FGF12: variants seen among roughly 807,000 people sequenced by gnomAD.
The protein encoded by FGF12 is fibroblast growth factor 12B.
FGF12 carries 14 observed loss-of-function variants against 23.6 expected under a neutral mutation model. The ratio of observed to expected loss-of-function variants is 0.59; its 90% CI spans 0.39 to 0.93. The LOEUF (loss-of-function observed/expected upper bound fraction) is 0.93, where lower values mean the gene tolerates loss of function less well. Among genes scored for constraint, FGF12 ranks in the 40% least tolerant of loss-of-function variants. The probability of loss-of-function intolerance (pLI) is 0.00; values close to 1 mark genes in which losing one functional copy is unlikely to be tolerated. For missense variants in FGF12, 175 were observed against 217.8 expected (o/e 0.80, Z 1.24); for synonymous variants, 62 against 77.3 (o/e 0.80, Z 1.04).
At chr3:192,724,612 A>G (rs528311091) in intron 2 of FGF12, among the ~76,000 whole-genome samples, 4 of 152,348 alleles carry the variant, frequency 2.6e-5, no homozygotes, top group South Asian at 4.1e-4. Context: ...TGTTAAGTAC[A>G]TGGTGCACAA....
chr3:192,434,374 T>A (rs577904193), intron 2 of FGF12, among the ~76,000 whole-genome samples: 1 of 152,304 alleles, frequency 6.6e-6, no homozygotes, highest in African/African-American at 2.4e-5. Flanking sequence ...AAAGGTTACA[T>A]AACTTCCCAG....
intron 2 of FGF12, among the ~76,000 whole-genome samples, chr3:192,525,999 C>A (rs888464360): frequency 2.6e-5 from 4 of 152,192 alleles, no homozygotes; most frequent in Admixed American, 1.3e-4. Context: ...GTCTTGATTT[C>A]CTGACTTCGT....
intron 2 of FGF12, among the ~76,000 whole-genome samples, chr3:192,402,097 C>G (rs1009521396): frequency 1.3e-5 from 2 of 152,250 alleles, no homozygotes; most frequent in African/African-American, 2.4e-5. Flanking sequence ...CTTAATCATT[C>G]TGCTATGCTA....
chr3:192,547,857 CT>C (rs1725534513), intron 2 of FGF12, among the ~76,000 whole-genome samples: 1 of 152,172 alleles, frequency 6.6e-6, no homozygotes, highest in South Asian at 2.1e-4. Flanking sequence ...TCTATAGCTT[CT>C]GTTATCATTT....
intron 2 of FGF12, among the ~76,000 whole-genome samples, chr3:192,558,053 A>G (rs1282309517): frequency 5.3e-5 from 8 of 151,890 alleles, no homozygotes; most frequent in Admixed American, 2.6e-4. Flanking sequence ...TAACTGAAAT[A>G]GTACTTGAAG....
Position 192,504,270 on chromosome 3 carries a change from T to C in FGF12, c.14-143732A>G, listed in dbSNP as rs183734256. ...TTAGTACCTGCGTGATGAAATAACC[T>C]GTACCCCAAATCCCTACAACACACA... On this transcript the variant is annotated intron_variant, in intron 2 of 5. Transcript: ENST00000445105. Among the ~76,000 whole-genome samples the C allele has an allele frequency of 4.2e-3, 638 of 152,230 alleles. 1 individual carries two copies. The highest frequency in any genetic ancestry group is 6.2e-3 in the Non-Finnish European group (425 of 68,012).
At chr3:192,144,492 T>C (rs151128024) in intron 5 of FGF12, among the ~76,000 whole-genome samples, 131 of 152,154 alleles carry the variant, frequency 8.6e-4, no homozygotes, top group African/African-American at 2.6e-3. Flanking sequence ...TTCGGGTAGG[T>C]AAAAAAATAT....
chr3:192,708,248 C>T (rs1408399106), intron 2 of FGF12, among the ~76,000 whole-genome samples: 1 of 152,050 alleles, frequency 6.6e-6, no homozygotes, highest in Non-Finnish European at 1.5e-5. Flanking sequence ...TGTGAACTGC[C>T]TTGTCCAGCC....
At chr3:192,593,291 G>A (rs989831876) in intron 2 of FGF12, among the ~76,000 whole-genome samples, 12 of 151,604 alleles carry the variant, frequency 7.9e-5, no homozygotes, top group Non-Finnish European at 1.6e-4. Context: ...CTGCCTTCAG[G>A]TCTGGTCAAC....
intron 2 of FGF12, among the ~76,000 whole-genome samples, chr3:192,723,627 C>G (rs1051217465): frequency 6.6e-6 from 1 of 152,114 alleles, no homozygotes; most frequent in African/African-American, 2.4e-5. Context: ...GTGGTTAACT[C>G]TGGCCATCCA....
Position 192,394,900 on chromosome 3 carries a change from C to T in FGF12, c.14-34362G>A, listed in dbSNP as rs78854477. ...GACAGAAAGAACCTTTTCCATTAAA[C>T]CCAATCGATACTGTATTTCCCCATC... On this transcript the variant is annotated intron_variant, in intron 2 of 5. Coordinates refer to ENST00000445105, the MANE Select transcript of FGF12 (RefSeq NM_004113.6). Among the ~76,000 whole-genome samples the T allele has an allele frequency of 6.6e-3, 1,004 of 152,254 alleles. 9 individuals carry two copies. Among genetic ancestry groups the T allele is most frequent in the African/African-American group, 0.023 (961 of 41,552 alleles).
intron 2 of FGF12, among the ~76,000 whole-genome samples, chr3:192,628,974 A>G (rs1380170660): frequency 1.3e-5 from 2 of 152,058 alleles, no homozygotes; most frequent in African/African-American, 2.4e-5. Flanking sequence ...TTTGCCACCA[A>G]TTTACTGTGT....
rs1037747723 is a variant in FGF12 at position 192,564,084 on chromosome 3, GAC to G, written c.13+163095_13+163096del. ...TTTTTGTTTGTTTGTTTGTTTTTGA[GAC>G]ACAGTCTCCCTCTGTAGCCCAGGCT... On this transcript the variant is annotated intron_variant, in intron 2 of 5. Transcript: ENST00000445105. 2.8e-3 allele frequency among the ~76,000 whole-genome samples: 426 copies of G among 151,976 alleles called. 2 individuals are homozygous for G. The highest frequency in any genetic ancestry group is 8.9e-3 in the African/African-American group (369 of 41,450).
intron 2 of FGF12, among the ~76,000 whole-genome samples, chr3:192,571,649 T>C (rs566189064): frequency 3.9e-5 from 6 of 152,358 alleles, no homozygotes; most frequent in Non-Finnish European, 8.8e-5. Context: ...GAATCTGTCC[T>C]GTGTCAAGGT....
At chr3:192,317,105 G>C (rs1023263292) in intron 4 of FGF12, among the ~76,000 whole-genome samples, 1 of 151,968 alleles carries the variant, frequency 6.6e-6, no homozygotes, top group Middle Eastern at 3.2e-3. Context: ...ACAGGCCTTG[G>C]GTGAGACTTA....
intron 4 of FGF12, among the ~76,000 whole-genome samples, chr3:192,261,023 CTG>C (rs1712715050): frequency 6.6e-6 from 1 of 152,066 alleles, no homozygotes; most frequent in Non-Finnish European, 1.5e-5. Context: ...ATAAGCTAAA[CTG>C]GGGTACAGGG....
intron 4 of FGF12, chr3:192,267,197 G>A (rs970089305): frequency 2.0e-5 from 3 of 152,106 alleles, no homozygotes; most frequent in African/African-American, 4.8e-5. Context: ...TCGTCTGAGA[G>A]GAAATCACAG....
chr3:192,465,684 T>C (rs972979575), intron 2 of FGF12, among the ~76,000 whole-genome samples: 5 of 152,134 alleles, frequency 3.3e-5, no homozygotes, highest in African/African-American at 9.7e-5. Flanking sequence ...AGGCAGAGGG[T>C]GCCTACGTGA....
Position 192,158,348 on chromosome 3 carries a change from TTC to T in FGF12, c.427+12108_427+12109del, listed in dbSNP as rs755884279. Among the ~76,000 whole-genome samples the T allele has an allele frequency of 6.3e-5, 6 of 95,904 alleles. 1 individual carries two copies. Among genetic ancestry groups the T allele is most frequent in the Non-Finnish European group, 1.3e-4 (6 of 44,672 alleles). 62.9% of individuals were successfully genotyped at this position (95,904 alleles called of 152,430 possible). ...TCTTTCTTTCTCTTTCTTTCTTTCT[TTC>T]TTTCTTTCTTTCTTTCTTTCTTTCT... On this transcript the variant is annotated intron_variant, in intron 5 of 5. Coordinates refer to ENST00000445105, the MANE Select transcript of FGF12 (RefSeq NM_004113.6).
Sources: gnomAD v4.1 joint callset for allele counts (sites outside exome capture counted in the v4.1 genomes callset) on GRCh38, gnomAD v4.1.1 for gene constraint, MANE v1.5 for transcripts, NCBI Gene and HGNC (gene_info 2026-07-23, HGNC 2026-07-21) for gene names.